Variants in CNTN3 observed in about 807,000 individuals in gnomAD.
CNTN3 encodes contactin 3, also known as contactin-3.
A neutral mutation model predicts 119.1 loss-of-function variants in CNTN3; 60 were observed. The ratio of observed to expected loss-of-function variants is 0.50; its 90% confidence interval spans 0.41 to 0.62. The LOEUF (loss-of-function observed/expected upper bound fraction) is 0.62. Among genes scored for constraint, CNTN3 ranks in the 20% least tolerant of loss-of-function variants. CNTN3 has a pLI of 0.00. For missense variants in CNTN3, 1,101 were observed against 1,242.4 expected, an observed-to-expected ratio of 0.89 and a Z score of 1.71; for synonymous variants, 450 against 438.7, an observed-to-expected ratio of 1.03 and a Z score of -0.32.
intron 1 of CNTN3, among the ~76,000 whole-genome samples, chr3:74,540,310 T>A (rs891976801): frequency 6.6e-6 from 1 of 152,152 alleles, no homozygotes; most frequent in Admixed American, 6.6e-5. Flanking sequence ...GTTTAGGGGA[T>A]TTCCTTTGCA....
At chr3:74,266,360 C>T in intron 22 of CNTN3, 121 bp downstream of exon 22, 2 of 1,038,658 alleles carry the variant, frequency 1.9e-6, no homozygotes, top group Non-Finnish European at 2.8e-6. Context: ...CAAAACCTTA[C>T]CGGCATTTGG....
intron 2 of CNTN3, among the ~76,000 whole-genome samples, chr3:74,505,692 G>GA (rs369441380): frequency 1.3e-5 from 2 of 151,176 alleles, no homozygotes; most frequent in Admixed American, 6.6e-5. Flanking sequence ...CAATGCTCTA[G>GA]AAAAAAAGAA....
chr3:74,403,173 G>A (rs187123119), intron 5 of CNTN3, among the ~76,000 whole-genome samples: 1 of 152,220 alleles, frequency 6.6e-6, no homozygotes, highest in East Asian at 1.9e-4. Context: ...TATGGAGGAT[G>A]ACTGCATAAG....
chr3:74,291,185 A>G (rs1021604013), intron 19 of CNTN3, among the ~76,000 whole-genome samples: 3 of 152,128 alleles, frequency 2.0e-5, no homozygotes, highest in Admixed American at 1.3e-4. Context: ...TTTGCTGAGA[A>G]TGATGGTTTC....
chr3:74,371,287 A>G lies in CNTN3; in HGVS notation c.567T>C (p.Ser189=). ...CCACACATGTGTAATTTCCCACATC[A>G]GACGGCTCCACCTTAGATATGTAGA... ...GHLYISKVEP[S]DVGNYTCVVT... Residue 189 remains serine, a synonymous_variant, in exon 6 of 23, where the codon TCT becomes TCC. Transcript: ENST00000263665. 6.2e-7 allele frequency: 1 copy of G among 1,613,526 alleles called. No individual in the cohort carries two copies. The highest frequency in any genetic ancestry group is 8.5e-7 in the Non-Finnish European group (1 of 1,179,658).
intron 13 of CNTN3, among the ~76,000 whole-genome samples, chr3:74,320,328 C>T (rs997636808): frequency 3.3e-5 from 5 of 152,262 alleles, no homozygotes; most frequent in Admixed American, 3.3e-4. Flanking sequence ...TCATGGAATA[C>T]TATGCAGCCA....
At chr3:74,555,670 T>A (rs774901201) in intron 1 of CNTN3, among the ~76,000 whole-genome samples, 2 of 152,228 alleles carry the variant, frequency 1.3e-5, no homozygotes, top group Non-Finnish European at 2.9e-5. Context: ...AATTTACCCA[T>A]GTCTTCTAGA....
chr3:74,361,830 T>G, intron 11 of CNTN3, 60 bp downstream of exon 11: 11 of 1,504,642 alleles, frequency 7.3e-6, no homozygotes, highest in Non-Finnish European at 9.0e-6. Context: ...AAACCTATGT[T>G]GACATCAGTA....
chr3:74,317,675 T>C (rs1269477529), intron 13 of CNTN3, among the ~76,000 whole-genome samples: 5 of 152,184 alleles, frequency 3.3e-5, no homozygotes, highest in African/African-American at 1.2e-4. Flanking sequence ...CCCCACTATC[T>C]TCTGGCTTGT....
chr3:74,298,099 C>T lies in CNTN3; in HGVS notation c.2259G>A (p.Val753=), dbSNP rs748576586. The part of the protein sequence containing the change: ...LGVTTWIQTV[V]TSPDTPRYVF... The stretch of plus-strand genomic sequence containing the variant: ...CATATCTTGGGGTGTCAGGGGATGT[C>T]ACCACTGTCTGGATCCAGGTGGTAA... The change falls in exon 18 of 23, where the codon GTG becomes GTA. Residue 753 remains valine (V), a synonymous_variant. Transcript: ENST00000263665. 1.2e-6 allele frequency: 2 copies of T among 1,613,870 alleles called. No homozygotes were observed. The highest frequency in any genetic ancestry group is 2.2e-5 in the East Asian group (1 of 44,848).
chr3:74,449,065 C>G (rs1702099513), intron 4 of CNTN3, among the ~76,000 whole-genome samples: 1 of 151,982 alleles, frequency 6.6e-6, no homozygotes, highest in South Asian at 2.1e-4. Context: ...TTGATCTGTG[C>G]TTGTCCTATT....
chr3:74,513,808 T>G (rs1265587079), intron 2 of CNTN3, among the ~76,000 whole-genome samples: 2 of 152,030 alleles, frequency 1.3e-5, no homozygotes, highest in Admixed American at 1.3e-4. Flanking sequence ...AATATTACTT[T>G]TGTCACCCCT....
chr3:74,310,311 T>C (rs1702652541), intron 13 of CNTN3, among the ~76,000 whole-genome samples: 1 of 152,238 alleles, frequency 6.6e-6, no homozygotes, highest in African/African-American at 2.4e-5. Flanking sequence ...TGAGTTTCAA[T>C]TACTATTGCT....
chr3:74,603,148 G>C (rs943299965), intron 1 of CNTN3, among the ~76,000 whole-genome samples: 1 of 152,090 alleles, frequency 6.6e-6, no homozygotes, highest in Non-Finnish European at 1.5e-5. Context: ...TACATGCACA[G>C]AGTTGTCCAA....
chr3:74,443,435 T>C (rs1157587011), intron 4 of CNTN3, among the ~76,000 whole-genome samples: 1 of 152,182 alleles, frequency 6.6e-6, no homozygotes, highest in African/African-American at 2.4e-5. Context: ...GCCAGATTCA[T>C]CTTTCTTACA....
chr3:74,296,533 T>G (rs547064576), intron 18 of CNTN3, among the ~76,000 whole-genome samples: 1 of 152,048 alleles, frequency 6.6e-6, no homozygotes, highest in Non-Finnish European at 1.5e-5. Context: ...AACACAAGAA[T>G]AGGGGCGGGG....
chr3:74,467,217 T>C (rs1405268718), intron 4 of CNTN3, among the ~76,000 whole-genome samples: 2 of 152,162 alleles, frequency 1.3e-5, no homozygotes, highest in East Asian at 3.8e-4. Context: ...ATATTGGATA[T>C]CTTTTGCAAA....
chr3:74,364,732 AC>A (rs1465339302), intron 9 of CNTN3, 136 bp from the exon 10 acceptor site: 13 of 631,684 alleles, frequency 2.1e-5, no homozygotes, highest in Middle Eastern at 3.5e-4. Context: ...CTGAAATTTA[AC>A]CTTTTCCTTA....
chr3:74,401,019 T>C (rs1167774918), intron 5 of CNTN3, among the ~76,000 whole-genome samples: 1 of 152,184 alleles, frequency 6.6e-6, no homozygotes, highest in Non-Finnish European at 1.5e-5. Flanking sequence ...TTACTGCTTC[T>C]ATTAAAGCTA....
Sources: gnomAD v4.1 joint callset for allele counts (sites outside exome capture counted in the v4.1 genomes callset) on GRCh38, gnomAD v4.1.1 for gene constraint, MANE v1.5 for transcripts, NCBI Gene and HGNC (gene_info 2026-07-23, HGNC 2026-07-21) for gene names.